Variants in DACH2 observed in about 807,000 individuals in gnomAD.
The protein encoded by DACH2 is dachshund family transcription factor 2, also known as dachshund homolog 2.
Under a neutral mutation model 35.8 loss-of-function variants are expected in DACH2, and 17 were observed. That is an observed-to-expected ratio of 0.48 (90% CI 0.33 to 0.71). DACH2 has a LOEUF of 0.71. DACH2 is among the 30% of genes least tolerant of loss of function. DACH2 has a pLI of 0.02. For synonymous variants in DACH2, 195 were observed against 177.3 expected (o/e 1.10, Z -0.79); for missense variants, 469 against 472.7 (o/e 0.99, Z 0.07).
chrX:86,655,792 A>G (rs951315955), intron 4 of DACH2, among the ~76,000 whole-genome samples: 3 of 111,708 alleles, frequency 2.7e-5, no homozygotes, highest in Non-Finnish European at 5.7e-5. Context: ...AAAAGCAACA[A>G]GAAGAACTGT....
At chrX:86,554,601 A>T (rs2039092379) in intron 3 of DACH2, among the ~76,000 whole-genome samples, 1 of 111,961 alleles carries the variant, frequency 8.9e-6, no homozygotes, top group Admixed American at 9.5e-5. Flanking sequence ...TAACTTGGAG[A>T]GTACCAAAAT....
chrX:86,415,818 T>C (rs2036695397), intron 2 of DACH2, among the ~76,000 whole-genome samples: 2 of 111,975 alleles, frequency 1.8e-5, no homozygotes, highest in East Asian at 2.8e-4. Flanking sequence ...GACCAGAAAA[T>C]AATTGTTAGT....
intron 2 of DACH2, among the ~76,000 whole-genome samples, chrX:86,463,919 A>G (rs2037619488): frequency 8.9e-6 from 1 of 112,176 alleles, no homozygotes; most frequent in Non-Finnish European, 1.9e-5. Flanking sequence ...ACACGAAAAA[A>G]AACTTATCAT....
intron 1 of DACH2, among the ~76,000 whole-genome samples, chrX:86,258,137 GA>G (rs773957201): frequency 1.8e-5 from 2 of 111,300 alleles, no homozygotes; most frequent in East Asian, 2.8e-4. Flanking sequence ...TGGCATATTG[GA>G]AAAAAAATAT....
intron 2 of DACH2, among the ~76,000 whole-genome samples, chrX:86,380,600 A>G (rs2036031712): frequency 9.1e-6 from 1 of 110,308 alleles, no homozygotes; most frequent in African/African-American, 3.3e-5. Flanking sequence ...TCAGGTCTAC[A>G]TTTTGCTACA....
chrX:86,705,877 G>A (rs965063437), intron 5 of DACH2, among the ~76,000 whole-genome samples: 2 of 111,665 alleles, frequency 1.8e-5, no homozygotes, highest in African/African-American at 3.3e-5. Context: ...TAAAGATAAC[G>A]TGTTATATGT....
At chrX:86,441,904 A>G (rs777682158) in intron 2 of DACH2, among the ~76,000 whole-genome samples, 1 of 105,987 alleles carries the variant, frequency 9.4e-6, no homozygotes, top group Non-Finnish European at 1.9e-5. Flanking sequence ...TATATTAGTG[A>G]CAGGGTCTTG....
chrX:86,238,942 G>A (rs947128427), intron 1 of DACH2, among the ~76,000 whole-genome samples: 21 of 110,633 alleles, frequency 1.9e-4, no homozygotes, highest in Non-Finnish European at 3.6e-4. Flanking sequence ...CAACAGGATG[G>A]CATTAGTGTG....
chrX:86,633,233 G>T (rs952762026), intron 3 of DACH2, among the ~76,000 whole-genome samples: 1 of 110,762 alleles, frequency 9.0e-6, no homozygotes, highest in Non-Finnish European at 1.9e-5. Context: ...GAAGAGAGAA[G>T]ATCCAAATAA....
Position 86,692,257 on chromosome X carries a change from T to C in DACH2, c.773-2764T>C, listed in dbSNP as rs112150020. Among the ~76,000 whole-genome samples the C allele has an allele frequency of 9.4e-4, 105 of 111,622 alleles. 1 individual carries two copies. Among genetic ancestry groups the C allele is most frequent in the African/African-American group, 3.3e-3 (102 of 30,742 alleles). On this transcript the variant is annotated intron_variant, in intron 4 of 11. Transcript: ENST00000373125. Reference sequence around the variant, plus strand: ...TATACTTTAAGTTCTAGGGTACATGTGCACAACGTGCAAGTTTGTTACATA... The same window carrying C: ...TATACTTTAAGTTCTAGGGTACATGCGCACAACGTGCAAGTTTGTTACATA...
intron 1 of DACH2, among the ~76,000 whole-genome samples, chrX:86,292,848 A>G (rs994587527): frequency 1.8e-5 from 2 of 108,610 alleles, no homozygotes; most frequent in Admixed American, 1.0e-4. Context: ...ACTTCCAAGT[A>G]TGTGGTCAAT....
At chrX:86,805,857 A>G (rs192959718) in intron 7 of DACH2, among the ~76,000 whole-genome samples, 46 of 111,677 alleles carry the variant, frequency 4.1e-4, no homozygotes, top group Admixed American at 2.6e-3. Context: ...AGTTTCCAAT[A>G]AGTTTCTCAT....
chrX:86,790,204 G>C (rs139394468), intron 7 of DACH2, among the ~76,000 whole-genome samples: 3,970 of 111,039 alleles, frequency 0.036, 172 homozygotes, highest in African/African-American at 0.12. Flanking sequence ...AATTGATTTG[G>C]TTTCTTTTTG....
intron 3 of DACH2, among the ~76,000 whole-genome samples, chrX:86,536,473 G>A (rs1269916268): frequency 1.8e-5 from 2 of 112,272 alleles, no homozygotes; most frequent in African/African-American, 6.5e-5. Context: ...CTTTTCAAGA[G>A]AGTCTGACAA....
At chrX:86,184,184 C>T in intron 1 of DACH2, 1 of 178,087 alleles carries the variant, frequency 5.6e-6, no homozygotes, top group Non-Finnish European at 1.0e-5. Context: ...TTCAGTTCTG[C>T]TTTTATCTTG....
intron 3 of DACH2, among the ~76,000 whole-genome samples, chrX:86,601,255 C>T (rs1476559171): frequency 1.8e-5 from 2 of 111,145 alleles, no homozygotes; most frequent in Non-Finnish European, 3.8e-5. Flanking sequence ...TCCAAAGTTT[C>T]TATTGGGGCA....
intron 4 of DACH2, among the ~76,000 whole-genome samples, chrX:86,693,052 A>G (rs1458026543): frequency 8.9e-6 from 1 of 112,319 alleles, no homozygotes; most frequent in Non-Finnish European, 1.9e-5. Flanking sequence ...ACCATAAATT[A>G]CCTCCCTGCT....
chrX:86,436,078 A>T (rs1287966971), intron 2 of DACH2, among the ~76,000 whole-genome samples: 1 of 110,207 alleles, frequency 9.1e-6, no homozygotes, highest in Non-Finnish European at 1.9e-5. Context: ...GAGATCTATA[A>T]TTCATTAATT....
At chrX:86,440,284 C>T (rs2037138709) in intron 2 of DACH2, among the ~76,000 whole-genome samples, 1 of 111,155 alleles carries the variant, frequency 9.0e-6, no homozygotes, top group Non-Finnish European at 1.9e-5. Flanking sequence ...TTTTGCCTCA[C>T]ATTTTGATGC....
Sources: allele counts gnomAD v4.1 joint callset (sites outside exome capture counted in the v4.1 genomes callset), GRCh38; gene constraint gnomAD v4.1.1; transcripts MANE v1.5; gene names NCBI Gene and HGNC (gene_info 2026-07-23, HGNC 2026-07-21).